TNFRSF13B: variants seen among roughly 807,000 people sequenced by gnomAD.
TNFRSF13B encodes the protein tumor necrosis factor receptor superfamily member 13B.
Under a neutral mutation model 24.0 loss-of-function variants are expected in TNFRSF13B, and 34 were observed. That is an observed-to-expected ratio of 1.41 (90% CI 1.08 to 1.88). The LOEUF (loss-of-function observed/expected upper bound fraction) is 1.88, where lower values mean the gene tolerates loss of function less well. Ranked by LOEUF, TNFRSF13B falls within the 40% of genes most tolerant of loss-of-function variation. The pLI, the probability that TNFRSF13B is intolerant of heterozygous loss-of-function variation, is 0.00. For synonymous variants in TNFRSF13B, 173 were observed against 150.3 expected (o/e 1.15, Z -1.10); for missense variants, 415 against 380.8 (o/e 1.09, Z -0.75).
At chr17:16,944,198 C>A (rs936697153) in intron 3 of TNFRSF13B, among the ~76,000 whole-genome samples, 1 of 152,192 alleles carries the variant, frequency 6.6e-6, no homozygotes. Flanking sequence ...ATCCCAGCCT[C>A]CAGCACAGAG....
chr17:16,954,030 G>C, intron 1 of TNFRSF13B, among the ~76,000 whole-genome samples: 1 of 152,218 alleles, frequency 6.6e-6, no homozygotes, highest in East Asian at 1.9e-4. Flanking sequence ...CTCCCAAAGT[G>C]CTGGGATTAT....
chr17:16,964,921 T>C (rs1453829573), intron 1 of TNFRSF13B, among the ~76,000 whole-genome samples: 1 of 152,120 alleles, frequency 6.6e-6, no homozygotes, highest in Non-Finnish European at 1.5e-5. Flanking sequence ...ATGGACACTC[T>C]AGACTTTCTT....
Position 16,939,734 on chromosome 17 carries a change from A to AG in TNFRSF13B, c.694_695insC (p.Phe232SerfsTer5). ...GGGCGCCCTGCACTCAGGGAAGCAG[A>AG]AGCTGCAGGTCTCCACTGGCTCGGG... On this transcript the variant is annotated frameshift_variant, in exon 5 of 5. Transcript: ENST00000261652. LOFTEE classifies it low-confidence loss of function (END_TRUNC). 6.2e-7 allele frequency: 1 copy of AG among 1,606,886 alleles called. No individual in the cohort carries two copies. Among genetic ancestry groups the AG allele is most frequent in the Non-Finnish European group, 8.5e-7 (1 of 1,175,284 alleles).
intron 3 of TNFRSF13B, chr17:16,941,607 T>C: frequency 1.0e-6 from 1 of 983,108 alleles, no homozygotes; most frequent in Non-Finnish European, 1.2e-6. Context: ...ACTACCCCCA[T>C]TAAAAATACT....
intron 3 of TNFRSF13B, chr17:16,940,769 G>A: frequency 4.3e-6 from 6 of 1,403,700 alleles, no homozygotes; most frequent in Non-Finnish European, 5.6e-6. Flanking sequence ...GTCTCCACTT[G>A]CTAGGGCTGT....
chr17:16,946,094 C>T (rs35076010), intron 3 of TNFRSF13B, among the ~76,000 whole-genome samples: 5,976 of 152,294 alleles, frequency 0.039, 132 homozygotes, highest in South Asian at 0.1. Context: ...CACACACCTC[C>T]GCATTTGGGG....
chr17:16,958,965 A>G (rs1167842568), intron 1 of TNFRSF13B, among the ~76,000 whole-genome samples: 3 of 152,076 alleles, frequency 2.0e-5, no homozygotes, highest in Non-Finnish European at 2.9e-5. Context: ...CCAATTAGAC[A>G]TCACAGACAT....
At chr17:16,939,999 C>T in intron 4 of TNFRSF13B, 2 of 978,666 alleles carry the variant, frequency 2.0e-6, no homozygotes, top group East Asian at 2.7e-5. Context: ...ATTCTTGGCT[C>T]TCACTTCTGT....
intron 3 of TNFRSF13B, among the ~76,000 whole-genome samples, chr17:16,947,541 A>G (rs1188863815): frequency 1.3e-5 from 2 of 152,240 alleles, no homozygotes; most frequent in Admixed American, 6.5e-5. Flanking sequence ...TAGGCAAAAG[A>G]CATGAACAGA....
chr17:16,947,431 A>G (rs191644875), intron 3 of TNFRSF13B, among the ~76,000 whole-genome samples: 5 of 152,364 alleles, frequency 3.3e-5, no homozygotes, highest in African/African-American at 1.2e-4. Flanking sequence ...AATGGGAGAA[A>G]ATGTTTGCAA....
At chr17:16,956,402 A>ATGC (rs754573951) in intron 1 of TNFRSF13B, among the ~76,000 whole-genome samples, 5,616 of 152,348 alleles carry the variant, frequency 0.037, 130 homozygotes, top group South Asian at 0.11. Context: ...TACAGGAAAT[A>ATGC]CAGACTATGA....
rs962203950 is a variant in TNFRSF13B, at chr17:16,939,238, G to A, written c.*309C>T. ...GGGACTCAGAGTGCCCCGACCTCCT[G>A]CTCTATCTCTCTCTGTCCCTCTCTC... On this transcript the variant is annotated 3_prime_UTR_variant, in exon 5 of 5. Transcript: ENST00000261652. 3.1e-6 allele frequency: 1 copy of A among 326,368 alleles called. No homozygotes were observed. 20.2% of individuals were successfully genotyped at this position (326,368 alleles called of 1,614,324 possible).
intron 1 of TNFRSF13B, among the ~76,000 whole-genome samples, chr17:16,969,726 G>T (rs28688013): frequency 1.3e-5 from 2 of 151,972 alleles, no homozygotes; most frequent in Non-Finnish European, 2.9e-5. Flanking sequence ...GTGGGAACTG[G>T]GCAGATGGAG....
At chr17:16,949,119 C>G (rs1597661418) in intron 2 of TNFRSF13B, 136 bp from the exon 3 acceptor site, 1 of 1,149,966 alleles carries the variant, frequency 8.7e-7, no homozygotes, top group South Asian at 1.4e-5. Context: ...AAGCCAAGTA[C>G]TTTTACAATA....
At chr17:16,951,880 C>A (rs1309156196) in intron 2 of TNFRSF13B, among the ~76,000 whole-genome samples, 2 of 149,772 alleles carry the variant, frequency 1.3e-5, no homozygotes, top group Non-Finnish European at 3.0e-5. Context: ...AAGAGCGAAA[C>A]TTCATCTCAA....
intron 3 of TNFRSF13B, among the ~76,000 whole-genome samples, chr17:16,943,309 G>A (rs1421094820): frequency 6.6e-6 from 1 of 152,206 alleles, no homozygotes; most frequent in Non-Finnish European, 1.5e-5. Context: ...GAAGACAGAG[G>A]CAGAGATGGG....
At chr17:16,963,653 C>A (rs1817211141) in intron 1 of TNFRSF13B, among the ~76,000 whole-genome samples, 1 of 152,134 alleles carries the variant, frequency 6.6e-6, no homozygotes, top group Non-Finnish European at 1.5e-5. Context: ...GGGTTCACGT[C>A]ATTCTCCTGC....
intron 2 of TNFRSF13B, among the ~76,000 whole-genome samples, chr17:16,950,739 C>T: frequency 6.6e-6 from 1 of 150,860 alleles, no homozygotes; most frequent in Non-Finnish European, 1.5e-5. Flanking sequence ...CCTGACCTCA[C>T]ACCCCTCCCT....
intron 1 of TNFRSF13B, among the ~76,000 whole-genome samples, chr17:16,971,667 C>T (rs6416870): frequency 0.65 from 98,247 of 151,920 alleles, 32,218 homozygotes; most frequent in African/African-American, 0.75. Flanking sequence ...CTGTGGTCTC[C>T]ACAACTCAAA....
Sources: gnomAD v4.1 joint callset for allele counts (sites outside exome capture counted in the v4.1 genomes callset) on GRCh38, gnomAD v4.1.1 for gene constraint, MANE v1.5 for transcripts, NCBI Gene and HGNC (gene_info 2026-07-23, HGNC 2026-07-21) for gene names.